Variants in PI4K2A observed in about 807,000 individuals in gnomAD.
PI4K2A encodes the protein phosphatidylinositol 4-kinase type 2-alpha.
A neutral mutation model predicts 55.0 loss-of-function variants in PI4K2A; 20 were observed. The observed-to-expected ratio is 0.36, with a 90% confidence interval of 0.26 to 0.53. The LOEUF (loss-of-function observed/expected upper bound fraction) is 0.53. Among genes scored for constraint, PI4K2A ranks in the 20% least tolerant of loss-of-function variants. PI4K2A has a pLI of 0.91. For synonymous variants in PI4K2A, 235 were observed against 258.5 expected (o/e 0.91, Z 0.87); for missense variants, 463 against 637.1 (o/e 0.73, Z 2.94).
rs559648055 is a variant in PI4K2A at position 97,647,361 on chromosome 10, G to A, written c.436-3580G>A. Among the ~76,000 whole-genome samples, 36 of 152,324 alleles carry A rather than the reference G, an allele frequency of 2.4e-4. No individual in the cohort carries two copies. In the South Asian group the frequency reaches 6.8e-3, roughly 29 times the overall value. On this transcript the variant is annotated intron_variant, in intron 1 of 8. Coordinates refer to ENST00000370631, the Ensembl canonical transcript of PI4K2A. Reference sequence around the variant, plus strand: ...CAAAATATTAAAGAAGAGAGTGGATGGTGAGGAAAAATTAGGCAGTAGTCA... The same window carrying A: ...CAAAATATTAAAGAAGAGAGTGGATAGTGAGGAAAAATTAGGCAGTAGTCA...
At chr10:97,657,668 CAA>C (rs35230006) in intron 4 of PI4K2A, among the ~76,000 whole-genome samples, 2 of 122,096 alleles carry the variant, frequency 1.6e-5, no homozygotes, top group Non-Finnish European at 1.8e-5. Flanking sequence ...ACTCTGTTTC[CAA>C]AAAAAAAAAA....
chr10:97,652,217 G>T (rs1175107882), intron 2 of PI4K2A, among the ~76,000 whole-genome samples: 2 of 152,054 alleles, frequency 1.3e-5, no homozygotes, highest in Non-Finnish European at 2.9e-5. Flanking sequence ...TAGGGCAATG[G>T]TTCATAAACG....
intron 8 of PI4K2A, among the ~76,000 whole-genome samples, chr10:97,672,968 GTTTTTTGTGT>G (rs1171679552): frequency 6.7e-6 from 1 of 148,868 alleles, no homozygotes. Context: ...ATTTTTAAGT[GTTTTTTGTGT>G]TTTTTTTTTT....
intron 4 of PI4K2A, among the ~76,000 whole-genome samples, chr10:97,661,471 G>A (rs2041583714): frequency 6.7e-6 from 1 of 149,960 alleles, no homozygotes; most frequent in South Asian, 2.1e-4. Context: ...TAATTGGCTT[G>A]TTGAAATTAT....
chr10:97,668,642 A>G (rs1204330267), intron 8 of PI4K2A, among the ~76,000 whole-genome samples: 1 of 152,164 alleles, frequency 6.6e-6, no homozygotes, highest in Non-Finnish European at 1.5e-5. Context: ...AAACAGTTAG[A>G]GTAGTACCTG....
Position 97,656,174 on chromosome 10 carries a change from G to T in PI4K2A, c.637-111G>T. ...AGGCTGAGAAATGTATTCTTTCTGT[G>T]CCCTGGAAGAGGAATAGGATTTGTG... On this transcript the variant is annotated intron_variant, in intron 2 of 8. Transcript: ENST00000370631. This position sits in a 1 kb window ranked among gnomAD's most constrained non-coding sequence, Gnocchi z 4.5. 2 of 862,524 alleles carry T rather than the reference G, an allele frequency of 2.3e-6. No individual in the cohort carries two copies. The highest frequency in any genetic ancestry group is 3.7e-6 in the Non-Finnish European group (2 of 544,624). 53.4% of individuals were successfully genotyped at this position (862,524 alleles called of 1,614,324 possible). A position where few individuals can be genotyped will look rare whatever the true frequency, so the allele number is the denominator to read the frequency against.
intron 1 of PI4K2A, among the ~76,000 whole-genome samples, chr10:97,644,836 A>C (rs1217177526): frequency 1.3e-5 from 2 of 152,136 alleles, no homozygotes; most frequent in Non-Finnish European, 2.9e-5. Flanking sequence ...TCTTGTGTCT[A>C]GGGAACAAGG....
In PI4K2A at chr10:97,651,266, G is replaced by A. The variant is rs969573808; in HGVS notation, c.636+125G>A. On this transcript the variant is annotated intron_variant, in intron 2 of 8. Transcript: ENST00000370631. Reference sequence around the variant, plus strand: ...ATTTATACCCTAAGTCTGGGTTCTCGATCTTTTTTCGGGAGGATGGCAGGA... The same window carrying A: ...ATTTATACCCTAAGTCTGGGTTCTCAATCTTTTTTCGGGAGGATGGCAGGA... 3.3e-5 allele frequency: 22 copies of A among 668,750 alleles called. No individual in the cohort carries two copies. The East Asian group carries it at 3.5e-4, about 11-fold the overall frequency. The allele number at this position is 668,750 out of a possible 1,614,324, so 41.4% of individuals were successfully genotyped here. A position where few individuals can be genotyped will look rare whatever the true frequency, so the allele number is the denominator to read the frequency against.
intron 8 of PI4K2A, among the ~76,000 whole-genome samples, chr10:97,667,980 C>A (rs570576479): frequency 5.9e-5 from 9 of 152,284 alleles, no homozygotes; most frequent in African/African-American, 2.2e-4. Context: ...TTACATTATT[C>A]CTTCTCCTTC....
chr10:97,651,241 A>AT (rs1335425811), intron 2 of PI4K2A, 100 bp downstream of exon 2: 17 of 807,562 alleles, frequency 2.1e-5, no homozygotes, highest in Non-Finnish European at 3.5e-5. Context: ...CAGTGGGGTC[A>AT]TTTATACCCT....
At chr10:97,646,254 T>C (rs561452101) in intron 1 of PI4K2A, among the ~76,000 whole-genome samples, 1 of 151,344 alleles carries the variant, frequency 6.6e-6, no homozygotes, top group African/African-American at 2.4e-5. Flanking sequence ...AGCCTCACTC[T>C]GTCGCTCAGG....
At chr10:97,641,038 G>A in exon 1 of PI4K2A, 4 of 1,595,550 alleles carry the variant, frequency 2.5e-6, no homozygotes, top group South Asian at 1.1e-5. Flanking sequence ...CAGGCCCACC[G>A]CGAGCGGAAC....
At chr10:97,641,048 C>T (rs1343803902) in exon 1 of PI4K2A, 5 of 1,602,408 alleles carry the variant, frequency 3.1e-6, no homozygotes, top group Non-Finnish European at 3.4e-6. Context: ...GCGAGCGGAA[C>T]GAGTTCCCGG....
intron 4 of PI4K2A, among the ~76,000 whole-genome samples, chr10:97,658,382 G>T (rs998877700): frequency 3.9e-5 from 6 of 152,116 alleles, no homozygotes; most frequent in Non-Finnish European, 8.8e-5. Flanking sequence ...CCTTTTTAAG[G>T]ATAAATACTG....
intron 7 of PI4K2A, 94 bp from the exon 8 acceptor site, chr10:97,666,967 G>C: frequency 1.1e-6 from 1 of 938,372 alleles, no homozygotes. Context: ...CCTTATGCAG[G>C]TTTTCCTTCT....
chr10:97,655,186 A>G (rs1464626920), intron 2 of PI4K2A, among the ~76,000 whole-genome samples: 1 of 152,042 alleles, frequency 6.6e-6, no homozygotes, highest in Admixed American at 6.6e-5. Context: ...CCTGGCCAAC[A>G]TGGTGAAACC....
Position 97,672,725 on chromosome 10 carries a change from C to CTTTTTTTTTT in PI4K2A, c.1279-841_1279-832dup, listed in dbSNP as rs146627600. ...GAATTGCCGAGTCAGAGGGTCTGTT[C>CTTTTTTTTTT]TTTTTTTTTTTTTTTTTTTTTTTTG... On this transcript the variant is annotated intron_variant, in intron 8 of 8. Transcript: ENST00000370631. 7.4e-4 allele frequency among the ~76,000 whole-genome samples: 62 copies of CTTTTTTTTTT among 83,976 alleles called. 4 individuals are homozygous for CTTTTTTTTTT. Among genetic ancestry groups the CTTTTTTTTTT allele is most frequent in the African/African-American group, 3.0e-3 (58 of 19,384 alleles). The allele number at this position is 83,976 out of a possible 152,430, so 55.1% of individuals were successfully genotyped here.
In PI4K2A at chr10:97,642,964, TTC is replaced by T. The variant is rs199690371; in HGVS notation, c.435+1789_435+1790del. ...TTTCTTTCTCTTTCTTTCTTTTTCTTTCTTTCTTTCATTCATTCTCTCTTTCT... is the reference window on the plus strand; with the variant it reads ...TTTCTTTCTCTTTCTTTCTTTTTCTTTTTCTTTCATTCATTCTCTCTTTCT... On this transcript the variant is annotated intron_variant, in intron 1 of 8. Coordinates refer to ENST00000370631, the Ensembl canonical transcript of PI4K2A. Among the ~76,000 whole-genome samples, 986 of 149,364 alleles carry T rather than the reference TTC, an allele frequency of 6.6e-3. 15 individuals are homozygous for T. Among genetic ancestry groups the T allele is most frequent in the African/African-American group, 0.024 (933 of 39,666 alleles).
At chr10:97,661,602 C>T (rs2041584736) in intron 4 of PI4K2A, among the ~76,000 whole-genome samples, 1 of 151,502 alleles carries the variant, frequency 6.6e-6, no homozygotes, top group Non-Finnish European at 1.5e-5. Context: ...GCAGTCCTCC[C>T]ACCTCAGCCT....
Sources: allele counts gnomAD v4.1 joint callset (sites outside exome capture counted in the v4.1 genomes callset), GRCh38; gene constraint gnomAD v4.1.1; non-coding constraint Gnocchi (gnomAD v3.1); transcripts MANE v1.5; gene names NCBI Gene and HGNC (gene_info 2026-07-23, HGNC 2026-07-21).